Variants in PAK5 observed in about 807,000 individuals in gnomAD.
The protein encoded by PAK5 is serine/threonine-protein kinase PAK 5.
PAK5 carries 16 observed loss-of-function variants against 65.9 expected under a neutral mutation model. The observed-to-expected ratio is 0.24, with a 90% CI of 0.16 to 0.37. The LOEUF is 0.37. PAK5 is among the 10% of genes least tolerant of loss of function. The pLI is 1.00. For missense variants in PAK5, 785 were observed against 903.9 expected (o/e 0.87, Z 1.69); for synonymous variants, 371 against 354.9 (o/e 1.05, Z -0.51).
chr20:9,644,742 G>A (rs2047111492), intron 2 of PAK5, among the ~76,000 whole-genome samples: 1 of 152,208 alleles, frequency 6.6e-6, no homozygotes, highest in African/African-American at 2.4e-5. Context: ...CCTAGGTCTT[G>A]GAAGGAGAGA....
chr20:9,622,513 A>G (rs2046784163), intron 3 of PAK5, among the ~76,000 whole-genome samples: 3 of 152,184 alleles, frequency 2.0e-5, no homozygotes, highest in South Asian at 4.1e-4. Context: ...TTGTTAATTC[A>G]GTTAATTCAG....
In PAK5 at chr20:9,563,034, C is replaced by T. The variant is rs2297346; in HGVS notation, c.1483-10G>A. 370,624 of 1,599,538 alleles carry T rather than the reference C, an allele frequency of 0.23. 51,745 individuals are homozygous for T. The highest frequency in any genetic ancestry group is 0.65 in the African/African-American group (48,191 of 74,114). On this transcript the variant is annotated splice_polypyrimidine_tract_variant and intron_variant, in intron 5 of 9. Transcript: ENST00000353224. Reference sequence around the variant, plus strand: ...CCCGCATGATCACGACCTGGGGAAACGGGAAATATACTTTTGACTTGTGAA... The same window carrying T: ...CCCGCATGATCACGACCTGGGGAAATGGGAAATATACTTTTGACTTGTGAA...
At chr20:9,616,242 CAT>C (rs1465081187) in intron 3 of PAK5, among the ~76,000 whole-genome samples, 3 of 152,200 alleles carry the variant, frequency 2.0e-5, no homozygotes, top group South Asian at 4.1e-4. Flanking sequence ...ATACAGTACA[CAT>C]GTTAGCCCAC....
At position 9,699,807 on chromosome 20, in the gene PAK5, C is replaced by T. The variant is rs2075711561; in HGVS notation, c.-12+11479G>A. 2.0e-5 allele frequency among the ~76,000 whole-genome samples: 3 copies of T among 152,042 alleles called. No homozygotes were observed. In the South Asian group the frequency reaches 6.2e-4, roughly 32 times the overall value. On this transcript the variant is annotated intron_variant, in intron 2 of 9. Transcript: ENST00000353224. Reference sequence around the variant, plus strand: ...GAGTGCCTTCCTCTCTACATGCATGCATTTGTGATGGAGATGTCTCAGTTG... The same window carrying T: ...GAGTGCCTTCCTCTCTACATGCATGTATTTGTGATGGAGATGTCTCAGTTG...
chr20:9,720,415 A>C (rs1167560038), intron 1 of PAK5, among the ~76,000 whole-genome samples: 1 of 152,228 alleles, frequency 6.6e-6, no homozygotes, highest in Non-Finnish European at 1.5e-5. Context: ...CAGTTAGTAG[A>C]CTTGCTGTTA....
At chr20:9,782,224 C>A (rs1378911991) in intron 1 of PAK5, among the ~76,000 whole-genome samples, 2 of 152,058 alleles carry the variant, frequency 1.3e-5, no homozygotes, top group Non-Finnish European at 2.9e-5. Context: ...ATGTTCCCTC[C>A]CTCAGCTCTT....
At chr20:9,708,595 A>G (rs949645859) in intron 2 of PAK5, among the ~76,000 whole-genome samples, 6 of 151,976 alleles carry the variant, frequency 3.9e-5, no homozygotes, top group African/African-American at 1.5e-4. Context: ...TCCTCATCTC[A>G]TTGGCAGTTA....
chr20:9,545,113 T>A (rs1195027567), intron 7 of PAK5, among the ~76,000 whole-genome samples: 1 of 152,138 alleles, frequency 6.6e-6, no homozygotes, highest in Non-Finnish European at 1.5e-5. Context: ...TCAATGCAAG[T>A]GGAAACACAG....
intron 2 of PAK5, among the ~76,000 whole-genome samples, chr20:9,692,478 G>A (rs1026215072): frequency 1.3e-5 from 2 of 152,096 alleles, no homozygotes; most frequent in Non-Finnish European, 2.9e-5. Flanking sequence ...GTTAGGTTAT[G>A]TTTTATTCCA....
At chr20:9,678,575 A>G (rs950872412) in intron 2 of PAK5, among the ~76,000 whole-genome samples, 11 of 152,166 alleles carry the variant, frequency 7.2e-5, no homozygotes, top group African/African-American at 2.4e-4. Flanking sequence ...TCAACAAAAG[A>G]AACAAACAAA....
rs760823835 is a variant in PAK5 at position 9,580,405 on chromosome 20, C to A, written c.730G>T (p.Gly244Trp). ...TACGCCAGGCTCTCCTTGGAGCACC[C>A]GCTGGTCCCTGCAGTTCTAGAAGGT... ...FTPSRTAGTS[G>W]CSKESLAYSE... Residue 244 changes from glycine (G) to tryptophan (W), a missense_variant, in exon 4 of 10, where the codon GGG becomes TGG. This residue lies in a region of PAK5 where 422 missense variants were observed against 413.3 expected (regional missense o/e 1.02). Transcript: ENST00000353224. 4 of 1,614,040 alleles carry A rather than the reference C, an allele frequency of 2.5e-6. No homozygotes were observed. The highest frequency in any genetic ancestry group is 3.4e-6 in the Non-Finnish European group (4 of 1,180,014).
intron 1 of PAK5, among the ~76,000 whole-genome samples, chr20:9,808,669 C>G (rs992846): frequency 0.21 from 31,607 of 151,916 alleles, 3,655 homozygotes; most frequent in East Asian, 0.52. Flanking sequence ...ATGTTCAGAA[C>G]AGGCAAATTC....
At chr20:9,729,942 G>A (rs979897392) in intron 1 of PAK5, among the ~76,000 whole-genome samples, 10 of 150,112 alleles carry the variant, frequency 6.7e-5, no homozygotes, top group African/African-American at 2.5e-4. Flanking sequence ...AACCTGGGAG[G>A]TGGAGGTTGC....
rs537654491 is a variant in PAK5, at chr20:9,730,650, G to A, written c.-161-19215C>T. On this transcript the variant is annotated intron_variant, in intron 1 of 9. Transcript: ENST00000353224. ...AAACTGGAGAAGCTATGATGATATC[G>A]GTGTGTTCTTACATGTCATGCTGAC... 1.7e-3 allele frequency among the ~76,000 whole-genome samples: 264 copies of A among 152,214 alleles called. 1 individual carries two copies. The highest frequency in any genetic ancestry group is 6.0e-3 in the African/African-American group (249 of 41,534).
chr20:9,696,504 T>C (rs2047871771), intron 2 of PAK5, among the ~76,000 whole-genome samples: 2 of 152,124 alleles, frequency 1.3e-5, no homozygotes. Context: ...CATAGTCAGG[T>C]TATCATCTCA....
chr20:9,587,820 A>G (rs2046096339), intron 3 of PAK5, among the ~76,000 whole-genome samples: 1 of 152,068 alleles, frequency 6.6e-6, no homozygotes, highest in Admixed American at 6.6e-5. Context: ...AAAAAGTTAG[A>G]CTGAGGTATG....
chr20:9,545,553 C>T (rs1279105239), intron 7 of PAK5, among the ~76,000 whole-genome samples: 1 of 152,122 alleles, frequency 6.6e-6, no homozygotes, highest in Non-Finnish European at 1.5e-5. Context: ...CTCTTCACAC[C>T]TCTCTGAACT....
chr20:9,601,140 T>A (rs2046352523), intron 3 of PAK5, among the ~76,000 whole-genome samples: 1 of 152,196 alleles, frequency 6.6e-6, no homozygotes, highest in Non-Finnish European at 1.5e-5. Context: ...TGGGGCTTTA[T>A]AATAATAAAG....
intron 7 of PAK5, among the ~76,000 whole-genome samples, chr20:9,555,219 A>T (rs1332883937): frequency 2.0e-5 from 3 of 152,154 alleles, no homozygotes; most frequent in Non-Finnish European, 2.9e-5. Context: ...GAGAGAACAA[A>T]CCAATAAGGA....
Sources: gnomAD v4.1 joint callset for allele counts (sites outside exome capture counted in the v4.1 genomes callset) on GRCh38, gnomAD v4.1.1 for gene constraint, gnomAD v4.1.1 regional missense constraint, MANE v1.5 for transcripts, NCBI Gene and HGNC (gene_info 2026-07-23, HGNC 2026-07-21) for gene names.